Variants in STK32C observed in about 807,000 individuals in gnomAD.
The protein encoded by STK32C is serine/threonine-protein kinase 32C.
Under a neutral mutation model 56.5 loss-of-function variants are expected in STK32C, and 31 were observed. The ratio of observed to expected loss-of-function variants is 0.55; its 90% confidence interval spans 0.41 to 0.74. STK32C has a LOEUF of 0.74. STK32C is among the 30% of genes least tolerant of loss of function. The pLI is 0.00. For missense variants in STK32C, 544 were observed against 676.9 expected, an observed-to-expected ratio of 0.80 and a Z score of 2.18; for synonymous variants, 309 against 289.4, an observed-to-expected ratio of 1.07 and a Z score of -0.69.
intron 1 of STK32C, among the ~76,000 whole-genome samples, chr10:132,293,124 G>A (rs970362927): frequency 2.6e-5 from 4 of 152,360 alleles, no homozygotes; most frequent in East Asian, 1.9e-4. Context: ...GCGTGCATGC[G>A]TGCGGGGAGG....
intron 1 of STK32C, among the ~76,000 whole-genome samples, chr10:132,259,965 T>C (rs934502470): frequency 6.6e-6 from 1 of 152,086 alleles, no homozygotes; most frequent in Non-Finnish European, 1.5e-5. Flanking sequence ...TTTCCTGTTA[T>C]GGGTGAGTGT....
At chr10:132,251,238 C>T (rs1266290310) in intron 1 of STK32C, among the ~76,000 whole-genome samples, 3 of 152,218 alleles carry the variant, frequency 2.0e-5, no homozygotes, top group African/African-American at 7.2e-5. Flanking sequence ...TTCGCCTAGT[C>T]CCAAGTCCGC....
intron 1 of STK32C, among the ~76,000 whole-genome samples, chr10:132,316,921 C>A (rs1160722235): frequency 6.7e-6 from 1 of 149,326 alleles, no homozygotes; most frequent in African/African-American, 2.5e-5. Flanking sequence ...TCACTTGAAC[C>A]TGGGCTGGGA....
chr10:132,280,827 C>T (rs544646075), intron 1 of STK32C, among the ~76,000 whole-genome samples: 1 of 141,682 alleles, frequency 7.1e-6, no homozygotes, highest in Admixed American at 7.0e-5. Flanking sequence ...GCTCCATGAC[C>T]ATGTCCCTGC....
At chr10:132,223,251 C>T (rs535794213) in intron 8 of STK32C, among the ~76,000 whole-genome samples, 1 of 152,240 alleles carries the variant, frequency 6.6e-6, no homozygotes, top group Non-Finnish European at 1.5e-5. Flanking sequence ...GCAGAGGGAT[C>T]TGCAGGGAAG....
chr10:132,291,817 G>A (rs762584044), intron 1 of STK32C, among the ~76,000 whole-genome samples: 1 of 150,782 alleles, frequency 6.6e-6, no homozygotes, highest in Non-Finnish European at 1.5e-5. Context: ...AGAGCTGAAG[G>A]ACACAGACCA....
chr10:132,236,794 G>A (rs750101375), intron 2 of STK32C, among the ~76,000 whole-genome samples: 1 of 152,090 alleles, frequency 6.6e-6, no homozygotes, highest in Non-Finnish European at 1.5e-5. Context: ...TGTCCATCAC[G>A]GTGTGACCCT....
intron 1 of STK32C, among the ~76,000 whole-genome samples, chr10:132,275,440 G>A (rs1267617700): frequency 2.0e-5 from 3 of 152,192 alleles, no homozygotes; most frequent in Non-Finnish European, 2.9e-5. Context: ...TCTAGATGTC[G>A]TGCCATGGAC....
chr10:132,230,475 C>A (rs1367027352), intron 2 of STK32C, among the ~76,000 whole-genome samples: 1 of 152,096 alleles, frequency 6.6e-6, no homozygotes, highest in Non-Finnish European at 1.5e-5. Context: ...CCGCGGCCTC[C>A]TGCAGACGGT....
intron 1 of STK32C, among the ~76,000 whole-genome samples, chr10:132,258,496 G>A (rs937076489): frequency 2.0e-5 from 3 of 152,234 alleles, no homozygotes; most frequent in South Asian, 2.1e-4. Flanking sequence ...GGTCCAGTGC[G>A]CTCTCCTGGG....
At chr10:132,294,004 G>A (rs2065655182) in intron 1 of STK32C, among the ~76,000 whole-genome samples, 1 of 152,214 alleles carries the variant, frequency 6.6e-6, no homozygotes, top group Non-Finnish European at 1.5e-5. Context: ...GCCAGCATGG[G>A]GGCATCAGGA....
At chr10:132,214,288 T>G (rs1226039124) in intron 10 of STK32C, among the ~76,000 whole-genome samples, 1 of 151,336 alleles carries the variant, frequency 6.6e-6, no homozygotes, top group African/African-American at 2.4e-5. Context: ...TGGCGAGGAA[T>G]TCTACTTACA....
At chr10:132,265,684 G>A (rs1040493343) in intron 1 of STK32C, among the ~76,000 whole-genome samples, 5 of 152,254 alleles carry the variant, frequency 3.3e-5, no homozygotes, top group Non-Finnish European at 5.9e-5. Flanking sequence ...TAAATGGCAA[G>A]CAGCACATTA....
chr10:132,332,021 C>G, upstream of STK32C: 2 of 389,138 alleles, frequency 5.1e-6, no homozygotes, highest in Non-Finnish European at 4.6e-6. Context: ...GCAGGGGCAC[C>G]CACACCCCGC....
intron 1 of STK32C, among the ~76,000 whole-genome samples, chr10:132,260,522 C>T (rs985271343): frequency 3.3e-5 from 5 of 152,244 alleles, no homozygotes; most frequent in Non-Finnish European, 7.3e-5. Context: ...GGATGCTGGG[C>T]ACCGTTGTCG....
intron 1 of STK32C, among the ~76,000 whole-genome samples, chr10:132,257,915 C>T (rs1319365318): frequency 2.0e-5 from 3 of 152,218 alleles, no homozygotes; most frequent in Non-Finnish European, 4.4e-5. Context: ...GCCCAGCAGG[C>T]CCCTGAAAGC....
intron 1 of STK32C, among the ~76,000 whole-genome samples, chr10:132,324,589 T>C (rs1049598595): frequency 6.6e-6 from 1 of 152,264 alleles, no homozygotes; most frequent in African/African-American, 2.4e-5. Flanking sequence ...TGTATTGTCC[T>C]TACATTCAAC....
chr10:132,251,172 G>T (rs77904469), intron 1 of STK32C, among the ~76,000 whole-genome samples: 1 of 152,190 alleles, frequency 6.6e-6, no homozygotes, highest in Admixed American at 6.5e-5. Flanking sequence ...AACAGCAGGG[G>T]TGACCCCAGC....
At chr10:132,248,885 CCAT>C (rs2063784597) in intron 1 of STK32C, 5 of 446,880 alleles carry the variant, frequency 1.1e-5, no homozygotes, top group Non-Finnish European at 2.3e-5. Flanking sequence ...AGTCCAGCCA[CCAT>C]CACCTCCACT....
Sources: gnomAD v4.1 joint callset for allele counts (sites outside exome capture counted in the v4.1 genomes callset) on GRCh38, gnomAD v4.1.1 for gene constraint, MANE v1.5 for transcripts, NCBI Gene and HGNC (gene_info 2026-07-23, HGNC 2026-07-21) for gene names.